Variants in AOAH observed in about 807,000 individuals in gnomAD.
AOAH encodes acyloxyacyl hydrolase (neutrophil).
AOAH carries 64 observed loss-of-function variants against 92.2 expected under a neutral mutation model. The observed-to-expected ratio is 0.69, with a 90% CI of 0.57 to 0.86. AOAH has a LOEUF of 0.86. Ranked by LOEUF, AOAH falls within the 40% of genes least tolerant of loss-of-function variation. The probability of loss-of-function intolerance (pLI) is 0.00; values close to 1 mark genes in which losing one functional copy is unlikely to be tolerated. For missense variants in AOAH, 656 were observed against 694.6 expected (o/e 0.94, Z 0.62); for synonymous variants, 263 against 254.5 (o/e 1.03, Z -0.32).
chr7:36,652,761 G>A lies in AOAH; in HGVS notation c.390+6405C>T, dbSNP rs142736924. ...ATCCCAATTCGAGGAACATTTTACC[G>A]ACGTACTTAACCTGTATCCTTGAAA... On this transcript the variant is annotated intron_variant, in intron 4 of 20. Coordinates refer to ENST00000617537, the MANE Select transcript of AOAH (RefSeq NM_001637.4). Among the ~76,000 whole-genome samples the A allele has an allele frequency of 3.0e-4, 45 of 152,266 alleles. 1 individual carries two copies. Among genetic ancestry groups the A allele is most frequent in the Middle Eastern group, 3.4e-3 (1 of 294 alleles).
intron 13 of AOAH, among the ~76,000 whole-genome samples, chr7:36,558,241 A>G (rs1456469825): frequency 2.6e-5 from 4 of 152,166 alleles, no homozygotes; most frequent in African/African-American, 4.8e-5. Context: ...GGAGTTTGCT[A>G]GAAGTCCACT....
intron 13 of AOAH, among the ~76,000 whole-genome samples, chr7:36,557,277 G>T (rs1424959130): frequency 2.0e-5 from 3 of 152,160 alleles, no homozygotes; most frequent in Admixed American, 6.5e-5. Flanking sequence ...ATTCTGGGTT[G>T]AAAATTCTTT....
chr7:36,594,936 C>T (rs1313598108), intron 11 of AOAH, among the ~76,000 whole-genome samples: 1 of 152,072 alleles, frequency 6.6e-6, no homozygotes, highest in South Asian at 2.1e-4. Context: ...TGGTTCCTTT[C>T]CCCACAAAAA....
chr7:36,718,526 C>T (rs1799395161), intron 1 of AOAH, among the ~76,000 whole-genome samples: 1 of 152,256 alleles, frequency 6.6e-6, no homozygotes, highest in African/African-American at 2.4e-5. Flanking sequence ...CAGAATTATT[C>T]ATAATTACCA....
At chr7:36,537,979 G>C (rs569429539) in intron 16 of AOAH, among the ~76,000 whole-genome samples, 3 of 150,672 alleles carry the variant, frequency 2.0e-5, no homozygotes, top group African/African-American at 7.3e-5. Flanking sequence ...AAATTGCGTG[G>C]AGTCATGCTT....
chr7:36,561,498 T>A (rs562902629), intron 13 of AOAH, among the ~76,000 whole-genome samples: 17 of 152,132 alleles, frequency 1.1e-4, no homozygotes, highest in Non-Finnish European at 2.5e-4. Flanking sequence ...GAGTGAGTGC[T>A]CCCTGTTGTC....
At chr7:36,565,699 AT>A (rs1181901020) in intron 13 of AOAH, among the ~76,000 whole-genome samples, 113 of 144,932 alleles carry the variant, frequency 7.8e-4, no homozygotes, top group East Asian at 1.8e-3. Context: ...CAACTGGCTG[AT>A]TTTTTTTTTT....
At chr7:36,720,167 T>C (rs1799525307) in intron 1 of AOAH, among the ~76,000 whole-genome samples, 1 of 152,038 alleles carries the variant, frequency 6.6e-6, no homozygotes, top group Non-Finnish European at 1.5e-5. Flanking sequence ...TTTTGTTTTT[T>C]GAGATGGAGT....
intron 5 of AOAH, among the ~76,000 whole-genome samples, chr7:36,634,454 T>G (rs1221347952): frequency 1.3e-5 from 2 of 152,128 alleles, no homozygotes; most frequent in Non-Finnish European, 2.9e-5. Flanking sequence ...GCTTGCTCAA[T>G]CAATCACGAC....
chr7:36,645,931 G>A (rs993610247), intron 4 of AOAH, among the ~76,000 whole-genome samples: 2 of 151,994 alleles, frequency 1.3e-5, no homozygotes, highest in Admixed American at 1.3e-4. Flanking sequence ...GCATTGTATA[G>A]CTATTAGTAT....
At chr7:36,596,171 AC>A (rs540009651) in intron 11 of AOAH, among the ~76,000 whole-genome samples, 7 of 118,618 alleles carry the variant, frequency 5.9e-5, no homozygotes, top group Admixed American at 9.5e-5. Flanking sequence ...AAGCCCCCCC[AC>A]CCCCCGTCAC....
chr7:36,633,189 C>T (rs1261654949), intron 5 of AOAH, among the ~76,000 whole-genome samples: 1 of 152,214 alleles, frequency 6.6e-6, no homozygotes, highest in Non-Finnish European at 1.5e-5. Context: ...TCAGTGCGGG[C>T]CACAGCCTTG....
At chr7:36,592,558 C>A (rs962481108) in intron 12 of AOAH, among the ~76,000 whole-genome samples, 3 of 152,172 alleles carry the variant, frequency 2.0e-5, no homozygotes, top group African/African-American at 7.2e-5. Flanking sequence ...AGAATAAAAA[C>A]AACACAAAGT....
chr7:36,652,263 A>C lies in AOAH; in HGVS notation c.390+6903T>G, dbSNP rs553999977. On this transcript the variant is annotated intron_variant, in intron 4 of 20. Coordinates refer to ENST00000617537, the MANE Select transcript of AOAH (RefSeq NM_001637.4). ...GCCACCCTAAGCTTCCAATGGTAGC[A>C]AAACTGGAAAACTGGAAAAATTTGT... 1.8e-3 allele frequency among the ~76,000 whole-genome samples: 275 copies of C among 152,340 alleles called. 1 individual carries two copies. Among genetic ancestry groups the C allele is most frequent in the African/African-American group, 6.3e-3 (262 of 41,578 alleles).
At chr7:36,597,361 C>A (rs892912447) in intron 11 of AOAH, among the ~76,000 whole-genome samples, 2 of 152,134 alleles carry the variant, frequency 1.3e-5, no homozygotes, top group Non-Finnish European at 2.9e-5. Context: ...CACTACAAAG[C>A]AAAACTTTTC....
In AOAH at chr7:36,637,838, G is replaced by A. The variant is rs1478389237; in HGVS notation, c.450+13C>T. The A allele has an allele frequency of 1.2e-6, 2 of 1,613,186 alleles. No individual in the cohort carries two copies. Among genetic ancestry groups the A allele is most frequent in the African/African-American group, 2.7e-5 (2 of 75,010 alleles). ...CAAGGAAAAGGCTGGCGTTCTACGT[G>A]CTTAGTGCTTACCAGAATCGGGGAC... is the stretch of plus-strand genomic sequence containing the variant. On this transcript the variant is annotated intron_variant, in intron 5 of 20. Transcript: ENST00000617537.
intron 4 of AOAH, among the ~76,000 whole-genome samples, chr7:36,657,448 G>A (rs544924102): frequency 6.6e-6 from 1 of 152,316 alleles, no homozygotes; most frequent in South Asian, 2.1e-4. Flanking sequence ...GGCCCAAAGT[G>A]AGTGCCCAGT....
intron 4 of AOAH, among the ~76,000 whole-genome samples, chr7:36,646,075 C>T (rs1794204918): frequency 6.6e-6 from 1 of 152,216 alleles, no homozygotes; most frequent in African/African-American, 2.4e-5. Flanking sequence ...ATTGATTTTA[C>T]CACCACCATC....
At chr7:36,683,846 T>A (rs1357068497) in intron 2 of AOAH, among the ~76,000 whole-genome samples, 1 of 152,078 alleles carries the variant, frequency 6.6e-6, no homozygotes, top group African/African-American at 2.4e-5. Flanking sequence ...CAACTCAAAT[T>A]AGCCGGGTGC....
Sources: allele counts gnomAD v4.1 joint callset (sites outside exome capture counted in the v4.1 genomes callset), GRCh38; gene constraint gnomAD v4.1.1; transcripts MANE v1.5; gene names NCBI Gene and HGNC (gene_info 2026-07-23, HGNC 2026-07-21).